Variants in LINC00632 observed in about 807,000 individuals in gnomAD.
LINC00632 encodes the protein long independently transcribed non-coding RNA 632, also known as ALDOA related specific transcript.
chrX:140,726,599 C>T (rs1017686531), intron 2 of LINC00632, among the ~76,000 whole-genome samples: 8 of 111,694 alleles, frequency 7.2e-5, no homozygotes, highest in Admixed American at 6.7e-4. Context: ...TCTTTCACAA[C>T]GTAGACATTG....
intron 3 of LINC00632, among the ~76,000 whole-genome samples, chrX:140,762,242 A>AGAGAGGGAGAGAGAGAGAGAGAGAGC (rs1286418753): frequency 1.4e-4 from 14 of 99,815 alleles, no homozygotes; most frequent in Admixed American, 4.4e-4. Context: ...AGAGAGAGAG[A>AGAGAGGGAGAGAGAGAGAGAGAGAGC]GCACTCTTAT....
At chrX:140,787,122 G>A (rs1333936990) in exon 5 of LINC00632, among the ~76,000 whole-genome samples, 1 of 110,145 alleles carries the variant, frequency 9.1e-6, no homozygotes, top group Non-Finnish European at 1.9e-5. Context: ...CTTTTTTCTT[G>A]TACATGGAAT....
At chrX:140,771,651 A>G (rs867288663) in intron 3 of LINC00632, among the ~76,000 whole-genome samples, 1 of 80,178 alleles carries the variant, frequency 1.2e-5, no homozygotes, top group African/African-American at 4.9e-5. Flanking sequence ...ACACATACAT[A>G]TATGTGTGTG....
At chrX:140,719,331 C>T (rs1345014280) in intron 2 of LINC00632, among the ~76,000 whole-genome samples, 2 of 109,891 alleles carry the variant, frequency 1.8e-5, no homozygotes, top group African/African-American at 6.6e-5. Flanking sequence ...TGGAGTCTTA[C>T]TCTGTTGCCC....
At chrX:140,790,898 A>G (rs1464093700) in exon 5 of LINC00632, among the ~76,000 whole-genome samples, 1 of 111,557 alleles carries the variant, frequency 9.0e-6, no homozygotes, top group Non-Finnish European at 1.9e-5. Flanking sequence ...TTTTATTTTC[A>G]TTTGATTATC....
At position 140,764,921 on chromosome X, in the gene LINC00632, C is replaced by T. The variant is rs772365506; in HGVS notation, n.192-7157C>T. ...CGGTAGCTGGAAAATCGCCCTCACT[C>T]AATCACCACGGTGGTAAATAGGGCA... On this transcript the variant is annotated intron_variant and non_coding_transcript_variant, in intron 3 of 4. Coordinates refer to ENST00000648200, the Ensembl canonical transcript of LINC00632. Among the ~76,000 whole-genome samples, 90 of 111,106 alleles carry T rather than the reference C, an allele frequency of 8.1e-4. 1 individual carries two copies. Among genetic ancestry groups the T allele is most frequent in the Non-Finnish European group, 1.5e-3 (80 of 52,989 alleles).
chrX:140,752,576 A>T (rs749462095), intron 3 of LINC00632, among the ~76,000 whole-genome samples: 2 of 112,276 alleles, frequency 1.8e-5, no homozygotes, highest in Non-Finnish European at 3.7e-5. Context: ...AAATCATATC[A>T]GGTAATGTAA....
Position 140,769,478 on chromosome X carries a change from A to AC in LINC00632, n.192-2592dup, listed in dbSNP as rs751003439. Among the ~76,000 whole-genome samples the AC allele has an allele frequency of 7.7e-3, 746 of 97,254 alleles. 8 individuals carry two copies. Among genetic ancestry groups the AC allele is most frequent in the African/African-American group, 0.026 (675 of 26,331 alleles). 84.5% of individuals were successfully genotyped at this position (97,254 alleles called of 115,157 possible). ...TAAAATTCGGTTTTTTCTCCACCCC[A>AC]CCCCCCCCATGAAAGCAAATTTTCC... On this transcript the variant is annotated intron_variant and non_coding_transcript_variant, in intron 3 of 4. Transcript: ENST00000648200.
chrX:140,736,900 C>CTTT (rs757869831), intron 3 of LINC00632, among the ~76,000 whole-genome samples: 1 of 94,455 alleles, frequency 1.1e-5, no homozygotes, highest in Admixed American at 1.2e-4. Context: ...TTTTTCTTTT[C>CTTT]TTTTTTTTTT....
rs1265088053 is a variant in LINC00632 at position 140,771,685 on chromosome X, A to ATTT, written n.192-383_192-381dup. 4.1e-3 allele frequency among the ~76,000 whole-genome samples: 251 copies of ATTT among 61,603 alleles called. 4 individuals are homozygous for ATTT. Among genetic ancestry groups the ATTT allele is most frequent in the African/African-American group, 0.017 (240 of 14,042 alleles). 53.5% of individuals were successfully genotyped at this position (61,603 alleles called of 115,157 possible). A position where few individuals can be genotyped will look rare whatever the true frequency, so the allele number is the denominator to read the frequency against. Reference sequence around the variant, plus strand: ...TGTGTGTATATATATATATATATATATTTTTTTTTTTTGAGACGGAATCTT... The same window carrying ATTT: ...TGTGTGTATATATATATATATATATATTTTTTTTTTTTTTTGAGACGGAATCTT... On this transcript the variant is annotated intron_variant and non_coding_transcript_variant, in intron 3 of 4. Coordinates refer to ENST00000648200, the Ensembl canonical transcript of LINC00632.
exon 5 of LINC00632, among the ~76,000 whole-genome samples, chrX:140,791,319 T>C: frequency 8.9e-6 from 1 of 112,264 alleles, no homozygotes; most frequent in East Asian, 2.8e-4. Flanking sequence ...TGTTGAGCTA[T>C]TCTTAGATTC....
chrX:140,752,657 A>G (rs1177935733), intron 3 of LINC00632, among the ~76,000 whole-genome samples: 1 of 112,440 alleles, frequency 8.9e-6, no homozygotes. Flanking sequence ...CAATTAAAGC[A>G]GAATAAAGAG....
rs186187212 is a variant in LINC00632, at chrX:140,756,536, C to T, written n.192-15542C>T. ...GCAGGAACTTGCAAGTGTATCGGGA[C>T]GGAGTGAGAAAGAGAAAAGTAGATG... On this transcript the variant is annotated intron_variant and non_coding_transcript_variant, in intron 3 of 4. Coordinates refer to ENST00000648200, the Ensembl canonical transcript of LINC00632. 5.5e-4 allele frequency among the ~76,000 whole-genome samples: 61 copies of T among 111,360 alleles called. No homozygotes were observed. In the East Asian group the frequency reaches 5.7e-3, roughly 10 times the overall value.
chrX:140,715,612 G>C (rs866684207), intron 2 of LINC00632, among the ~76,000 whole-genome samples: 6 of 106,078 alleles, frequency 5.7e-5, no homozygotes, highest in African/African-American at 2.2e-4. Flanking sequence ...AAGAAAGAAA[G>C]AAAGAAACAA....
chrX:140,771,870 C>T (rs184369896), intron 3 of LINC00632, among the ~76,000 whole-genome samples: 5 of 107,178 alleles, frequency 4.7e-5, no homozygotes, highest in Admixed American at 3.0e-4. Flanking sequence ...TTAGTAGAGA[C>T]GGGGTTTCGC....
chrX:140,753,405 T>C (rs1931439582), intron 3 of LINC00632, among the ~76,000 whole-genome samples: 1 of 111,590 alleles, frequency 9.0e-6, no homozygotes, highest in Admixed American at 9.6e-5. Flanking sequence ...CAGGGCCATG[T>C]TGGAGTGATA....
intron 1 of LINC00632, among the ~76,000 whole-genome samples, chrX:140,711,184 GT>G (rs1160300946): frequency 1.3e-4 from 14 of 110,961 alleles, no homozygotes. Context: ...TAAAAATGAT[GT>G]TTTCCCCTTT....
chrX:140,764,113 T>A (rs2148397871), intron 3 of LINC00632, among the ~76,000 whole-genome samples: 1 of 110,502 alleles, frequency 9.0e-6, no homozygotes, highest in South Asian at 4.0e-4. Flanking sequence ...GTGTATCTGT[T>A]AGGATTCACT....
chrX:140,720,037 A>G (rs1157190888), intron 2 of LINC00632, among the ~76,000 whole-genome samples: 2 of 107,280 alleles, frequency 1.9e-5, no homozygotes, highest in Non-Finnish European at 3.9e-5. Flanking sequence ...CGGTGAGCCA[A>G]GACCGCACCA....
Sources: allele counts gnomAD v4.1 joint callset (sites outside exome capture counted in the v4.1 genomes callset), GRCh38; gene constraint gnomAD v4.1.1; transcripts MANE v1.5; gene names NCBI Gene and HGNC (gene_info 2026-07-23, HGNC 2026-07-21).